The following IFT52 variants were observed in gnomAD, a reference collection of about 807,000 sequenced individuals.
IFT52 encodes the protein intraflagellar transport protein 52 homolog.
Under a neutral mutation model 54.4 loss-of-function variants are expected in IFT52, and 44 were observed. That is an observed-to-expected ratio of 0.81 (90% CI 0.63 to 1.04). The LOEUF (loss-of-function observed/expected upper bound fraction) is 1.04. Ranked by LOEUF, IFT52 falls within the 50% of genes least tolerant of loss-of-function variation. The pLI is 0.00. For synonymous variants in IFT52, 181 were observed against 185.3 expected (o/e 0.98, Z 0.19); for missense variants, 452 against 523.6 (o/e 0.86, Z 1.33).
intron 6 of IFT52, among the ~76,000 whole-genome samples, chr20:43,610,153 G>T (rs537132964): frequency 6.6e-6 from 1 of 150,760 alleles, no homozygotes; most frequent in Non-Finnish European, 1.5e-5. Flanking sequence ...TTAGCCAGAC[G>T]TGGTGGCACA....
chr20:43,642,567 C>CA lies in IFT52; in HGVS notation c.1212dup (p.His405ThrfsTer4). 1 of 1,614,134 alleles carries CA rather than the reference C, an allele frequency of 6.2e-7. No individual in the cohort carries two copies. Among genetic ancestry groups the CA allele is most frequent in the South Asian group, 1.1e-5 (1 of 91,082 alleles). ...AACTACCAAAGGACCAACAGGATGCCAAACATATCCTTGAGCACGTCTTCT... is the reference window on the plus strand; with the variant it reads ...AACTACCAAAGGACCAACAGGATGCCAAAACATATCCTTGAGCACGTCTTCT... On this transcript the variant is annotated frameshift_variant, in exon 13 of 14. Transcript: ENST00000373030. LOFTEE classifies it high-confidence loss of function.
chr20:43,619,082 T>A (rs1458820240), intron 8 of IFT52, 56 bp downstream of exon 8: 1 of 1,240,476 alleles, frequency 8.1e-7, no homozygotes, highest in Non-Finnish European at 1.2e-6. Flanking sequence ...TCATGTCATT[T>A]AAAAAAATAC....
chr20:43,642,773 G>A, intron 13 of IFT52, 149 bp downstream of exon 13: 1 of 729,348 alleles, frequency 1.4e-6, no homozygotes, highest in Non-Finnish European at 2.2e-6. Context: ...AATAAACCCT[G>A]TACTTATGGA....
rs183556607 is a variant in IFT52, at chr20:43,639,798, T to G, written c.1120+2545T>G. On this transcript the variant is annotated intron_variant, in intron 12 of 13. Transcript: ENST00000373030. ...AGGCTGCAGTGAGCTATGATACACC[T>G]TGCACTCCAGCCTGGGTGACAAAGG... is the stretch of plus-strand genomic sequence containing the variant. Among the ~76,000 whole-genome samples, 243 of 151,914 alleles carry G rather than the reference T, an allele frequency of 1.6e-3. 1 individual carries two copies. The highest frequency in any genetic ancestry group is 5.5e-3 in the African/African-American group (229 of 41,438).
intron 10 of IFT52, among the ~76,000 whole-genome samples, chr20:43,632,949 G>A (rs895727184): frequency 2.8e-4 from 42 of 152,180 alleles, no homozygotes; most frequent in Admixed American, 2.5e-3. Context: ...TGTATGATAC[G>A]GTAGAGAAGA....
At chr20:43,600,555 T>C (rs1187114383) in intron 3 of IFT52, among the ~76,000 whole-genome samples, 4 of 152,134 alleles carry the variant, frequency 2.6e-5, no homozygotes, top group South Asian at 4.2e-4. Context: ...CCGCCCGCCT[T>C]GGCCTCTGGT....
chr20:43,615,438 C>T (rs935058341), intron 7 of IFT52, among the ~76,000 whole-genome samples: 1 of 152,166 alleles, frequency 6.6e-6, no homozygotes, highest in Non-Finnish European at 1.5e-5. Context: ...TTTCTAGGGA[C>T]CTAGGTGTCT....
At chr20:43,596,109 G>A (rs1981937293) in intron 2 of IFT52, among the ~76,000 whole-genome samples, 1 of 152,218 alleles carries the variant, frequency 6.6e-6, no homozygotes, top group South Asian at 2.1e-4. Flanking sequence ...GTATGTGCAT[G>A]TTTTTCTTAA....
At chr20:43,626,264 CTTTTT>C (rs1193799201) in intron 10 of IFT52, among the ~76,000 whole-genome samples, 1 of 138,942 alleles carries the variant, frequency 7.2e-6, no homozygotes. Flanking sequence ...ACATCTTTTC[CTTTTT>C]TTTTTTTTTT....
At chr20:43,613,226 C>T (rs6017123) in intron 6 of IFT52, among the ~76,000 whole-genome samples, 19,711 of 152,166 alleles carry the variant, frequency 0.13, 1,758 homozygotes, top group Non-Finnish European at 0.2. Flanking sequence ...CTAGCCAAAC[C>T]TAAGGAAGAA....
chr20:43,638,277 G>A (rs943695915), intron 12 of IFT52, among the ~76,000 whole-genome samples: 8 of 151,514 alleles, frequency 5.3e-5, no homozygotes, highest in African/African-American at 1.7e-4. Flanking sequence ...GGTAACCTCC[G>A]CCTCCTGAGT....
intron 10 of IFT52, among the ~76,000 whole-genome samples, chr20:43,633,747 G>A (rs1326096170): frequency 6.6e-6 from 1 of 151,846 alleles, no homozygotes; most frequent in Non-Finnish European, 1.5e-5. Context: ...GCTGCCTTAG[G>A]TGAGCAGTTA....
At chr20:43,605,278 G>T (rs1982771971) in intron 6 of IFT52, 5 of 1,273,712 alleles carry the variant, frequency 3.9e-6, no homozygotes, top group African/African-American at 1.6e-5. Context: ...CAGCATGGTG[G>T]CTCACGCCTG....
chr20:43,615,653 A>G (rs949191491), intron 7 of IFT52, among the ~76,000 whole-genome samples: 2 of 150,442 alleles, frequency 1.3e-5, no homozygotes, highest in South Asian at 4.2e-4. Context: ...AAAATACAAA[A>G]ATTGACCAGG....
At chr20:43,642,679 C>A in intron 13 of IFT52, 55 bp downstream of exon 13, 1 of 1,537,604 alleles carries the variant, frequency 6.5e-7, no homozygotes, top group Non-Finnish European at 8.9e-7. Flanking sequence ...CTGGTATCTT[C>A]CATGGACTGT....
chr20:43,595,770 C>T (rs746742482), intron 2 of IFT52, among the ~76,000 whole-genome samples: 42 of 151,850 alleles, frequency 2.8e-4, no homozygotes, highest in Non-Finnish European at 4.9e-4. Flanking sequence ...CCTATAATCC[C>T]AGCTACTAAG....
chr20:43,593,900 T>C (rs939857424), intron 1 of IFT52, among the ~76,000 whole-genome samples: 1 of 152,192 alleles, frequency 6.6e-6, no homozygotes, highest in Admixed American at 6.5e-5. Flanking sequence ...TAGATCCATG[T>C]GTACTGACAA....
intron 7 of IFT52, 68 bp downstream of exon 7, chr20:43,614,044 C>A: frequency 7.0e-7 from 1 of 1,430,928 alleles, no homozygotes. Flanking sequence ...ACCACCTTAC[C>A]ATTTCCAGAA....
At chr20:43,620,444 G>A (rs1279597942) in intron 8 of IFT52, among the ~76,000 whole-genome samples, 2 of 152,068 alleles carry the variant, frequency 1.3e-5, no homozygotes, top group African/African-American at 2.4e-5. Context: ...GATCACCTGC[G>A]ATCAAGAATT....
Sources: gnomAD v4.1 joint callset for allele counts (sites outside exome capture counted in the v4.1 genomes callset) on GRCh38, gnomAD v4.1.1 for gene constraint, MANE v1.5 for transcripts, NCBI Gene and HGNC (gene_info 2026-07-23, HGNC 2026-07-21) for gene names.